The following A2ML1 variants were observed in gnomAD, a reference collection of about 807,000 sequenced individuals.
A2ML1 encodes the protein alpha-2-macroglobulin-like protein 1.
In A2ML1, 161 loss-of-function variants were observed where a neutral mutation model predicts 181.9. The ratio of observed to expected loss-of-function variants is 0.89; its 90% CI spans 0.78 to 1.01. A2ML1 has a LOEUF of 1.01. Ranked by LOEUF, A2ML1 falls within the 50% of genes least tolerant of loss-of-function variation. A2ML1 has a pLI of 0.00. For missense variants in A2ML1, 1,670 were observed against 1,768.1 expected (o/e 0.94, Z 1.00); for synonymous variants, 663 against 666.8 (o/e 0.99, Z 0.09).
At chr12:8,854,349 A>T in intron 21 of A2ML1, 100 bp downstream of exon 21, 2 of 1,472,558 alleles carry the variant, frequency 1.4e-6, no homozygotes, top group Non-Finnish European at 1.8e-6. Context: ...ACTCCAGTCC[A>T]ACCAGGCAGC....
Position 8,842,441 on chromosome 12 carries a change from G to A in A2ML1, c.1249-693G>A, listed in dbSNP as rs537844721. Reference sequence around the variant, plus strand: ...TCACTGTGTTAGCCAGGATGGTCTCGATCTCCTGACCTCGTGATCCGCCCG... The same window carrying A: ...TCACTGTGTTAGCCAGGATGGTCTCAATCTCCTGACCTCGTGATCCGCCCG... On this transcript the variant is annotated intron_variant, in intron 11 of 35. Coordinates refer to ENST00000299698, the MANE Select transcript of A2ML1 (RefSeq NM_144670.6). Among the ~76,000 whole-genome samples the A allele has an allele frequency of 3.2e-4, 48 of 152,054 alleles. No homozygotes were observed. The South Asian group carries it at 5.2e-3, about 16-fold the overall frequency.
In A2ML1 at chr12:8,874,531, A is replaced by T; in HGVS notation, c.4324+4A>T. 1 of 1,607,076 alleles carries T rather than the reference A, an allele frequency of 6.2e-7. No homozygotes were observed. Among genetic ancestry groups the T allele is most frequent in the Non-Finnish European group, 8.5e-7 (1 of 1,173,726 alleles). ...GTCTATGACTACTACCTACCAGGTG[A>T]GAGGGCTGAGCTGAAATGAGATCTG... On this transcript the variant is annotated splice_donor_region_variant and intron_variant, in intron 34 of 35. Coordinates refer to ENST00000299698, the MANE Select transcript of A2ML1 (RefSeq NM_144670.6).
intron 20 of A2ML1, among the ~76,000 whole-genome samples, chr12:8,853,239 G>A (rs138426576): frequency 1.5e-3 from 221 of 152,176 alleles, no homozygotes; most frequent in Non-Finnish European, 2.0e-3. Context: ...TGATTCTCCC[G>A]CCTCACCCTT....
chr12:8,869,359 C>T (rs775371663), intron 33 of A2ML1, among the ~76,000 whole-genome samples, 156 bp downstream of exon 33: 2 of 152,096 alleles, frequency 1.3e-5, no homozygotes, highest in Non-Finnish European at 2.9e-5. Flanking sequence ...GCTGGTATAC[C>T]GTAAAACACC....
rs1944761642 is a variant in A2ML1 at position 8,875,147 on chromosome 12, C to A, written c.*1+135C>A. ...TGTTGCCCAGGCTGGAGGGCAGTGG[C>A]GGAGGTTGAGTGGCTCACTTCCCAG... On this transcript the variant is annotated intron_variant, in intron 35 of 35. Coordinates refer to ENST00000299698, the MANE Select transcript of A2ML1 (RefSeq NM_144670.6). 1.5e-5 allele frequency: 14 copies of A among 909,866 alleles called. No individual in the cohort carries two copies. The South Asian group carries it at 2.0e-4, about 13-fold the overall frequency. The allele number at this position is 909,866 out of a possible 1,614,324, so 56.4% of individuals were successfully genotyped here.
At position 8,847,793 on chromosome 12, in the gene A2ML1, A is replaced by C. The variant is rs1029087102; in HGVS notation, c.1833+95A>C. The C allele has an allele frequency of 2.7e-6, 4 of 1,464,972 alleles. No individual in the cohort carries two copies. The Admixed American group carries it at 8.7e-5, about 32-fold the overall frequency. The allele number at this position is 1,464,972 out of a possible 1,614,324, so 90.7% of individuals were successfully genotyped here. ...AGGCAGGGGAGAGAAAGTCTTAGGG[A>C]AATAATGCACTGCCATAAGGCGGTA... On this transcript the variant is annotated intron_variant, in intron 15 of 35. Transcript: ENST00000299698.
rs749075339 is a variant in A2ML1, at chr12:8,851,963, C to T, written c.2414C>T (p.Ser805Phe). 1.2e-6 allele frequency: 2 copies of T among 1,614,144 alleles called. No homozygotes were observed. Among genetic ancestry groups the T allele is most frequent in the Non-Finnish European group, 1.7e-6 (2 of 1,180,040 alleles). The change falls in exon 19 of 36, where the codon TCC becomes TTC. Residue 805 changes from serine to phenylalanine, a missense_variant. Ser to Phe is a radical substitution (Grantham distance 155, BLOSUM62 -2). Transcript: ENST00000299698. ...CCTTACTCAGTAGTCCGTGGGGAATCCTTTCGTCTTACTGCCACCATCTTC... is the reference window on the plus strand; with the variant it reads ...CCTTACTCAGTAGTCCGTGGGGAATTCTTTCGTCTTACTGCCACCATCTTC... ...TLPYSVVRGE[S>F]FRLTATIFNY...
Position 8,848,772 on chromosome 12 carries a change from A to C in A2ML1, c.1886A>C (p.Glu629Ala). Reference sequence around the variant, plus strand: ...GGTCACTACCCCTATCAAGTGGCTGAGTATGATCAGTGTCCAGTGTCTGGC... The same window carrying C: ...GGTCACTACCCCTATCAAGTGGCTGCGTATGATCAGTGTCCAGTGTCTGGC... The part of the protein sequence containing the change: ...WYGHYPYQVA[E>A]YDQCPVSGPW... The change falls in exon 16 of 36, where the codon GAG (glutamate) becomes GCG (alanine). Residue 629 changes from glutamate to alanine, a missense_variant. Coordinates refer to ENST00000299698, the MANE Select transcript of A2ML1 (RefSeq NM_144670.6). The C allele has an allele frequency of 6.2e-7, 1 of 1,614,008 alleles. No individual in the cohort carries two copies. The highest frequency in any genetic ancestry group is 8.5e-7 in the Non-Finnish European group (1 of 1,179,964).
At chr12:8,850,912 T>A (rs758810467) in intron 18 of A2ML1, among the ~76,000 whole-genome samples, 26 of 151,880 alleles carry the variant, frequency 1.7e-4, no homozygotes, top group Non-Finnish European at 3.1e-4. Context: ...CTAAGTTTTG[T>A]ATTTTTAGTA....
At position 8,843,350 on chromosome 12, in the gene A2ML1, T is replaced by G. The variant is rs200052566; in HGVS notation, c.1465T>G (p.Phe489Val). ...TGCAAGCCCTGACCAAGAGATCAGC[T>G]TCTCCTACTATGTGAGACCGGGAAA... The part of the protein sequence containing the change: ...ADASPDQEIS[F>V]SYYLIGKGSL... Residue 489 changes from phenylalanine (F) to valine (V), a missense_variant, in exon 12 of 36, where the codon TTC becomes GTC. By Grantham distance (50) the Phe-to-Val change is conservative. Transcript: ENST00000299698. 32 of 1,613,922 alleles carry G rather than the reference T, an allele frequency of 2.0e-5. No individual in the cohort carries two copies. Among genetic ancestry groups the G allele is most frequent in the Non-Finnish European group, 2.7e-5 (32 of 1,179,946 alleles).
intron 23 of A2ML1, 92 bp from the exon 24 acceptor site, chr12:8,857,072 C>A: frequency 7.9e-7 from 1 of 1,261,232 alleles, no homozygotes; most frequent in Non-Finnish European, 1.1e-6. Flanking sequence ...TAAATGATAG[C>A]TAATACGTGT....
In A2ML1 at chr12:8,837,526, G is replaced by A. The variant is rs372782124; in HGVS notation, c.815G>A (p.Arg272Gln). The A allele has an allele frequency of 1.4e-5, 22 of 1,613,778 alleles. No homozygotes were observed. In the South Asian group the frequency reaches 1.8e-4, roughly 13 times the overall value. ...ACTTACTGGTATCGAGAGGTGGAAC[G>A]GGAACAGCTTCCTGACAAATGCAGG... is the stretch of plus-strand genomic sequence containing the variant. ...ANTYWYREVE[R>Q]EQLPDKCRNL... Residue 272 changes from arginine to glutamine, a missense_variant, in exon 8 of 36, where the codon CGG becomes CAG. By Grantham distance (43) the Arg-to-Gln change is conservative. Coordinates refer to ENST00000299698, the MANE Select transcript of A2ML1 (RefSeq NM_144670.6).
At position 8,860,730 on chromosome 12, in the gene A2ML1, G is replaced by A. The variant is rs936564849; in HGVS notation, c.3265-151G>A. The A allele has an allele frequency of 1.6e-5, 11 of 667,718 alleles. No homozygotes were observed. The African/African-American group carries it at 2.0e-4, about 12-fold the overall frequency. 41.4% of individuals were successfully genotyped at this position (667,718 alleles called of 1,614,324 possible). A position where few individuals can be genotyped will look rare whatever the true frequency, so the allele number is the denominator to read the frequency against. ...TTGTGTGTCCTGGAGGCTTGGAGCTGCAGAAAGCCTGTGGAAAAAAGAGCT... is the reference window on the plus strand; with the variant it reads ...TTGTGTGTCCTGGAGGCTTGGAGCTACAGAAAGCCTGTGGAAAAAAGAGCT... On this transcript the variant is annotated intron_variant, in intron 26 of 35. Transcript: ENST00000299698.
At chr12:8,848,134 C>CAAAAAAA (rs755571563) in intron 15 of A2ML1, among the ~76,000 whole-genome samples, 2 of 93,420 alleles carry the variant, frequency 2.1e-5, no homozygotes, top group Non-Finnish European at 4.5e-5. Context: ...GTCTCAAAAA[C>CAAAAAAA]AAAAAAAAAA....
chr12:8,874,332 A>G, intron 33 of A2ML1, 93 bp from the exon 34 acceptor site: 1 of 1,028,638 alleles, frequency 9.7e-7, no homozygotes, highest in Non-Finnish European at 1.5e-6. Flanking sequence ...CAGAAAATCT[A>G]CATGAAGACA....
intron 14 of A2ML1, among the ~76,000 whole-genome samples, chr12:8,847,264 A>G (rs1943723920): frequency 7.0e-6 from 1 of 142,614 alleles, no homozygotes; most frequent in Admixed American, 6.9e-5. Flanking sequence ...AAAAAAAAAA[A>G]GCCATACTGG....
At chr12:8,887,290 C>A (rs1335684338), downstream of A2ML1, among the ~76,000 whole-genome samples, 1 of 151,816 alleles carries the variant, frequency 6.6e-6, no homozygotes, top group East Asian at 1.9e-4. Context: ...ATGAAGTAGC[C>A]CCCCTGAAAT....
At chr12:8,839,027 C>T (rs1461680788) in intron 9 of A2ML1, 86 bp from the exon 10 acceptor site, 1 of 887,526 alleles carries the variant, frequency 1.1e-6, no homozygotes, top group African/African-American at 1.7e-5. Flanking sequence ...ATCCCTCTGC[C>T]ACCATTCTCT....
rs1469715388 is a variant in A2ML1, at chr12:8,861,222, A to C, written c.3427A>C (p.Ile1143Leu). The C allele has an allele frequency of 1.2e-6, 2 of 1,613,950 alleles. 1 individual carries two copies. Among genetic ancestry groups the C allele is most frequent in the African/African-American group, 2.7e-5 (2 of 74,860 alleles). Residue 1143 changes from isoleucine to leucine, a missense_variant, in exon 28 of 36, where the codon ATT becomes CTT. Coordinates refer to ENST00000299698, the MANE Select transcript of A2ML1 (RefSeq NM_144670.6). ...NLYTQALLAY[I>L]FSLAGEMDIR... ...CTACACACAGGCCCTGTTGGCTTACATTTTCTCCCTGGCTGGGGAAATGGA... is the reference window on the plus strand; with the variant it reads ...CTACACACAGGCCCTGTTGGCTTACCTTTTCTCCCTGGCTGGGGAAATGGA...
Sources: allele counts gnomAD v4.1 joint callset (sites outside exome capture counted in the v4.1 genomes callset), GRCh38; gene constraint gnomAD v4.1.1; transcripts MANE v1.5; gene names NCBI Gene and HGNC (gene_info 2026-07-23, HGNC 2026-07-21).